Variants in CC2D2B observed in about 807,000 individuals in gnomAD.
CC2D2B encodes the protein coiled-coil and C2 domain containing 2B.
A neutral mutation model predicts 161.2 loss-of-function variants in CC2D2B; 128 were observed. The ratio of observed to expected loss-of-function variants is 0.79; its 90% confidence interval spans 0.69 to 0.92. The LOEUF is 0.92. Among genes scored for constraint, CC2D2B ranks in the 40% least tolerant of loss-of-function variants. CC2D2B has a pLI of 0.00. For synonymous variants in CC2D2B, 391 were observed against 449.8 expected (o/e 0.87, Z 1.65); for missense variants, 1,173 against 1,375.1 (o/e 0.85, Z 2.32).
At chr10:95,934,221 G>A (rs912817946) in intron 6 of CC2D2B, among the ~76,000 whole-genome samples, 4 of 152,124 alleles carry the variant, frequency 2.6e-5, no homozygotes, top group Admixed American at 1.3e-4. Context: ...AATGGCGGAC[G>A]CCCCTTCCCC....
chr10:95,937,465 A>G (rs2075865104), intron 6 of CC2D2B, among the ~76,000 whole-genome samples: 1 of 152,052 alleles, frequency 6.6e-6, no homozygotes, highest in Non-Finnish European at 1.5e-5. Context: ...TATATATCAT[A>G]TATCAGAATT....
chr10:96,013,952 G>A (rs1305205714), intron 29 of CC2D2B, 75 bp downstream of exon 29: 6 of 608,984 alleles, frequency 9.9e-6, no homozygotes, highest in Non-Finnish European at 1.5e-5. Flanking sequence ...AAAATATTAT[G>A]TATTTATGTA....
intron 9 of CC2D2B, 140 bp downstream of exon 9, chr10:95,939,065 A>G: frequency 2.2e-6 from 1 of 454,336 alleles, no homozygotes; most frequent in Non-Finnish European, 3.9e-6. Context: ...GAAATGTTAA[A>G]TAGCCCTTAA....
intron 30 of CC2D2B, among the ~76,000 whole-genome samples, chr10:96,017,800 C>G (rs913002637): frequency 6.6e-5 from 10 of 151,996 alleles, no homozygotes; most frequent in Admixed American, 3.3e-4. Context: ...ATAAGCCAGG[C>G]ATACTGACAC....
chr10:95,926,862 G>GTC (rs1253799325), intron 5 of CC2D2B, among the ~76,000 whole-genome samples: 13 of 139,876 alleles, frequency 9.3e-5, no homozygotes, highest in Non-Finnish European at 1.8e-4. Flanking sequence ...GTGTGTGTGT[G>GTC]TGTGTGTGTG....
intron 9 of CC2D2B, among the ~76,000 whole-genome samples, chr10:95,947,115 T>TATATATATATATA (rs1564609188): frequency 2.7e-4 from 7 of 26,220 alleles, no homozygotes; most frequent in Non-Finnish European, 3.4e-4. Flanking sequence ...ATATATATAT[T>TATATATATATATA]TTTTTTTTTT....
intron 5 of CC2D2B, 53 bp from the exon 6 acceptor site, chr10:95,927,179 CCTTTA>C (rs1168428751): frequency 1.4e-4 from 128 of 947,758 alleles, no homozygotes; most frequent in Non-Finnish European, 1.8e-4. Context: ...AAAACTATTT[CCTTTA>C]CTTATAAGCA....
intron 24 of CC2D2B, chr10:95,999,745 CTTTTTTTT>C: frequency 5.7e-6 from 1 of 174,954 alleles, no homozygotes. Flanking sequence ...GTCCAGAGGT[CTTTTTTTT>C]TTTTTTTTTT....
rs538992649 is a variant in CC2D2B, at chr10:95,939,686, T to A, written c.801+761T>A. Among the ~76,000 whole-genome samples, 9 of 152,368 alleles carry A rather than the reference T, an allele frequency of 5.9e-5. No individual in the cohort carries two copies. In the East Asian group the frequency reaches 1.7e-3, roughly 29 times the overall value. On this transcript the variant is annotated intron_variant, in intron 9 of 34. Transcript: ENST00000646931. ...CTTTTAAATCATAGCCATTCTGATG[T>A]ACATAAGTTGTATTTCATTGAAGTT... is the stretch of plus-strand genomic sequence containing the variant.
intron 34 of CC2D2B, among the ~76,000 whole-genome samples, chr10:96,030,180 T>C (rs954640869): frequency 7.2e-5 from 11 of 152,172 alleles, no homozygotes; most frequent in African/African-American, 2.4e-4. Context: ...GCGAAACCCA[T>C]GGATATGAAG....
rs549143628 is a variant in CC2D2B, at chr10:95,964,482, C to T, written c.1251-1414C>T. Among the ~76,000 whole-genome samples, 12 of 152,212 alleles carry T rather than the reference C, an allele frequency of 7.9e-5. No individual in the cohort carries two copies. The South Asian group carries it at 2.1e-3, about 26-fold the overall frequency. ...ATTGTATTAAAGAACAGCAAGTTTA[C>T]TGATGTCGTATTGATTGCCCTGAAT... is the stretch of plus-strand genomic sequence containing the variant. On this transcript the variant is annotated intron_variant, in intron 12 of 34. Coordinates refer to ENST00000646931, the MANE Select transcript of CC2D2B (RefSeq NM_001349008.3).
chr10:95,922,143 T>C (rs1271695969), intron 3 of CC2D2B, 67 bp downstream of exon 3: 3 of 872,008 alleles, frequency 3.4e-6, no homozygotes, highest in East Asian at 5.7e-5. Flanking sequence ...AAATGATTAA[T>C]CCTGTGCCAG....
intron 14 of CC2D2B, among the ~76,000 whole-genome samples, chr10:95,967,357 T>C: frequency 6.6e-6 from 1 of 152,032 alleles, no homozygotes; most frequent in East Asian, 1.9e-4. Flanking sequence ...GAAGAAGATA[T>C]TTGTGCTGGA....
Position 95,927,340 on chromosome 10 carries a change from T to C in CC2D2B, c.336+8T>C, listed in dbSNP as rs1441261436. 6.8e-7 allele frequency: 1 copy of C among 1,479,516 alleles called. No individual in the cohort carries two copies. Among genetic ancestry groups the C allele is most frequent in the Admixed American group, 2.0e-5 (1 of 50,368 alleles). The allele number at this position is 1,479,516 out of a possible 1,614,324, so 91.6% of individuals were successfully genotyped here. On this transcript the variant is annotated splice_region_variant and intron_variant, in intron 6 of 34. Transcript: ENST00000646931. ...GGCAAGTCTTCAGAGCAGGTTGGAT[T>C]TGTTTGCCTCCCTCCCACCATCTCA...
chr10:95,991,654 T>C (rs1320489109), intron 21 of CC2D2B, among the ~76,000 whole-genome samples, 193 bp downstream of exon 21: 2 of 152,206 alleles, frequency 1.3e-5, no homozygotes, highest in East Asian at 3.8e-4. Context: ...ACATGATATA[T>C]TTTCAATTAT....
intron 25 of CC2D2B, among the ~76,000 whole-genome samples, chr10:96,007,136 T>G (rs1044550178): frequency 6.6e-6 from 1 of 152,096 alleles, no homozygotes; most frequent in Admixed American, 6.6e-5. Context: ...GTATTAAGCC[T>G]AGTATCCATT....
At chr10:95,985,431 G>A (rs1047511971) in intron 19 of CC2D2B, among the ~76,000 whole-genome samples, 4 of 152,186 alleles carry the variant, frequency 2.6e-5, no homozygotes, top group African/African-American at 9.6e-5. Flanking sequence ...TCTTACGCCT[G>A]TCTTTACTGC....
At chr10:95,935,315 T>A (rs934729186) in intron 6 of CC2D2B, among the ~76,000 whole-genome samples, 5 of 152,184 alleles carry the variant, frequency 3.3e-5, no homozygotes, top group Non-Finnish European at 7.3e-5. Context: ...TGGTTCTGCC[T>A]TCAAAGTATT....
Position 95,947,113 on chromosome 10 carries a change from A to ATTTT in CC2D2B, c.802-2769_802-2766dup, listed in dbSNP as rs753866384. Reference sequence around the variant, plus strand: ...TATATATATATATATATATATATATATTTTTTTTTTTTTTTTTGAGACAAA... The same window carrying ATTTT: ...TATATATATATATATATATATATATATTTTTTTTTTTTTTTTTTTTTGAGACAAA... On this transcript the variant is annotated intron_variant, in intron 9 of 34. Transcript: ENST00000646931. Among the ~76,000 whole-genome samples the ATTTT allele has an allele frequency of 1.3e-3, 65 of 48,376 alleles. 4 individuals carry two copies. Among genetic ancestry groups the ATTTT allele is most frequent in the Admixed American group, 3.1e-3 (11 of 3,546 alleles). The allele number at this position is 48,376 out of a possible 152,430, so 31.7% of individuals were successfully genotyped here. A position where few individuals can be genotyped will look rare whatever the true frequency, so the allele number is the denominator to read the frequency against.
Sources: gnomAD v4.1 joint callset for allele counts (sites outside exome capture counted in the v4.1 genomes callset) on GRCh38, gnomAD v4.1.1 for gene constraint, MANE v1.5 for transcripts, NCBI Gene and HGNC (gene_info 2026-07-23, HGNC 2026-07-21) for gene names.